SLC5A8: variants seen among roughly 807,000 people sequenced by gnomAD.
SLC5A8 encodes solute carrier family 5 member 8.
Under a neutral mutation model 71.9 loss-of-function variants are expected in SLC5A8, and 55 were observed. The ratio of observed to expected loss-of-function variants is 0.77; its 90% CI spans 0.62 to 0.96. SLC5A8 has a LOEUF of 0.96. SLC5A8 is among the 40% of genes least tolerant of loss of function. The pLI is 0.00. For synonymous variants in SLC5A8, 307 were observed against 276.1 expected (o/e 1.11, Z -1.11); for missense variants, 701 against 745.3 (o/e 0.94, Z 0.69).
Position 101,209,903 on chromosome 12 carries a change from C to T in SLC5A8, c.-55G>A. The stretch of plus-strand genomic sequence containing the variant: ...AAACTGGTGGCCCCGCGGCGCGCAG[C>T]CGGAGCCCGGCGCGCACTTCTTATC... On this transcript the variant is annotated 5_prime_UTR_variant, in exon 1 of 15. Coordinates refer to ENST00000536262, the MANE Select transcript of SLC5A8 (RefSeq NM_145913.5). 1.4e-6 allele frequency: 2 copies of T among 1,426,350 alleles called. No individual in the cohort carries two copies. The highest frequency in any genetic ancestry group is 9.3e-7 in the Non-Finnish European group (1 of 1,079,050). 88.4% of individuals were successfully genotyped at this position (1,426,350 alleles called of 1,614,324 possible).
At chr12:101,158,463 A>G (rs1409231972) in intron 13 of SLC5A8, 135 bp from the exon 14 acceptor site, 1 of 600,432 alleles carries the variant, frequency 1.7e-6, no homozygotes, top group Non-Finnish European at 2.9e-6. Context: ...AGAAAGGGAA[A>G]CTTAAAAGCA....
intron 7 of SLC5A8, among the ~76,000 whole-genome samples, chr12:101,187,159 C>A (rs1378846063): frequency 6.6e-6 from 1 of 152,170 alleles, no homozygotes; most frequent in Non-Finnish European, 1.5e-5. Context: ...ATTTAACACT[C>A]TGCTTGATTT....
At chr12:101,165,719 G>C (rs1394696087) in intron 12 of SLC5A8, among the ~76,000 whole-genome samples, 1 of 152,148 alleles carries the variant, frequency 6.6e-6, no homozygotes, top group Non-Finnish European at 1.5e-5. Flanking sequence ...CATTTTAAGA[G>C]GGGTATGCCG....
rs138417909 is a variant in SLC5A8, at chr12:101,181,381, A to G, written c.1166-1285T>C. Among the ~76,000 whole-genome samples the G allele has an allele frequency of 1.3e-3, 199 of 152,324 alleles. 2 individuals carry two copies. Among genetic ancestry groups the G allele is most frequent in the African/African-American group, 4.7e-3 (194 of 41,580 alleles). ...TGGAAACACATTCAAATCATCTGCC[A>G]CATTCTTCTCTATGTCCTTACTGCA... On this transcript the variant is annotated intron_variant, in intron 9 of 14. Coordinates refer to ENST00000536262, the MANE Select transcript of SLC5A8 (RefSeq NM_145913.5).
intron 13 of SLC5A8, among the ~76,000 whole-genome samples, chr12:101,158,592 CTCTCTCTATATATATA>C (rs1239220189): frequency 8.1e-4 from 21 of 25,930 alleles, no homozygotes; most frequent in African/African-American, 2.0e-3. Context: ...CTCTCTCTCT[CTCTCTCTATATATATA>C]TATATATATA....
At chr12:101,189,041 GTC>G (rs1868784732) in intron 6 of SLC5A8, among the ~76,000 whole-genome samples, 2 of 152,154 alleles carry the variant, frequency 1.3e-5, no homozygotes, top group Admixed American at 6.5e-5. Context: ...GGTTTCGAGA[GTC>G]TGCTTCATGC....
At chr12:101,179,204 A>G (rs2051909173) in intron 10 of SLC5A8, among the ~76,000 whole-genome samples, 1 of 152,190 alleles carries the variant, frequency 6.6e-6, no homozygotes, top group African/African-American at 2.4e-5. Context: ...TGTCTATGCT[A>G]GTGATATAAA....
At chr12:101,206,536 T>C (rs1253473460) in intron 1 of SLC5A8, among the ~76,000 whole-genome samples, 3 of 152,166 alleles carry the variant, frequency 2.0e-5, no homozygotes, top group Non-Finnish European at 2.9e-5. Flanking sequence ...AACCAAGAAG[T>C]CTATTATGAT....
At chr12:101,164,648 T>C (rs190482398) in intron 12 of SLC5A8, among the ~76,000 whole-genome samples, 1 of 152,264 alleles carries the variant, frequency 6.6e-6, no homozygotes, top group Non-Finnish European at 1.5e-5. Context: ...TTCCTTGCGA[T>C]ACAGATTGTG....
chr12:101,182,087 G>T (rs1056373787), intron 9 of SLC5A8, among the ~76,000 whole-genome samples: 5 of 152,144 alleles, frequency 3.3e-5, no homozygotes, highest in African/African-American at 1.2e-4. Context: ...TGAGACATCT[G>T]GGAACTGAAG....
Position 101,193,793 on chromosome 12 carries a change from GT to G in SLC5A8, c.538-15del, listed in dbSNP as rs1869036110. 1 of 1,612,876 alleles carries G rather than the reference GT, an allele frequency of 6.2e-7. No homozygotes were observed. The highest frequency in any genetic ancestry group is 1.1e-5 in the South Asian group (1 of 90,894). Reference sequence around the variant, plus strand: ...TTTAAGACCACCCTTTGAGGGGAAAGTATATTAGGATTAATGCTTCTATTAG... The same window carrying G: ...TTTAAGACCACCCTTTGAGGGGAAAGATATTAGGATTAATGCTTCTATTAG... On this transcript the variant is annotated splice_polypyrimidine_tract_variant and intron_variant, in intron 4 of 14. Coordinates refer to ENST00000536262, the MANE Select transcript of SLC5A8 (RefSeq NM_145913.5).
At chr12:101,194,957 CA>C (rs560853463) in intron 4 of SLC5A8, 137 bp downstream of exon 4, 19 of 738,716 alleles carry the variant, frequency 2.6e-5, no homozygotes, top group African/African-American at 1.4e-4. Flanking sequence ...ATTTCTCACA[CA>C]AAAAAAGTTA....
chr12:101,160,281 AAG>A (rs2051712254), intron 13 of SLC5A8, among the ~76,000 whole-genome samples: 1 of 152,228 alleles, frequency 6.6e-6, no homozygotes, highest in Non-Finnish European at 1.5e-5. Context: ...ATTTTTGAGA[AAG>A]AGCACAGTCC....
chr12:101,196,563 A>G (rs1053704827), intron 3 of SLC5A8, among the ~76,000 whole-genome samples: 1 of 152,056 alleles, frequency 6.6e-6, no homozygotes, highest in African/African-American at 2.4e-5. Context: ...AGAAAAAAAA[A>G]CTCCTCAAAA....
chr12:101,170,463 G>A (rs527581083), intron 10 of SLC5A8, among the ~76,000 whole-genome samples: 14 of 152,254 alleles, frequency 9.2e-5, no homozygotes, highest in Non-Finnish European at 1.5e-5. Flanking sequence ...GAATGGTACA[G>A]GGTGAGTTCC....
At chr12:101,168,061 A>G (rs998455950) in intron 11 of SLC5A8, 35 bp downstream of exon 11, 1 of 1,566,788 alleles carries the variant, frequency 6.4e-7, no homozygotes, top group Admixed American at 1.8e-5. Flanking sequence ...TAGTTCAAAA[A>G]GTAATCCTCA....
At chr12:101,164,636 C>T (rs2051752628) in intron 12 of SLC5A8, among the ~76,000 whole-genome samples, 1 of 152,158 alleles carries the variant, frequency 6.6e-6, no homozygotes. Flanking sequence ...ACACACTCCT[C>T]CTTCCTTGCG....
intron 3 of SLC5A8, among the ~76,000 whole-genome samples, chr12:101,200,009 CAAAAAAAAAAAAAAAAAAAAAAAAA>C (rs1182463470): frequency 7.3e-4 from 7 of 9,614 alleles, no homozygotes; most frequent in Admixed American, 1.4e-3. Flanking sequence ...GTACTACCAG[CAAAAAAAAAAAAAAAAAAAAAAAAA>C]AAAAAAAAAA....
At chr12:101,205,276 T>C (rs1869630477) in intron 1 of SLC5A8, among the ~76,000 whole-genome samples, 1 of 152,202 alleles carries the variant, frequency 6.6e-6, no homozygotes, top group Non-Finnish European at 1.5e-5. Flanking sequence ...CTCTGTTCTA[T>C]GAGCTACCCC....
Sources: gnomAD v4.1 joint callset for allele counts (sites outside exome capture counted in the v4.1 genomes callset) on GRCh38, gnomAD v4.1.1 for gene constraint, MANE v1.5 for transcripts, NCBI Gene and HGNC (gene_info 2026-07-23, HGNC 2026-07-21) for gene names.